The following DMD variants were observed in gnomAD, a reference collection of about 807,000 sequenced individuals.
DMD encodes the protein mutant dystrophin.
In DMD, 63 loss-of-function variants were observed where a neutral mutation model predicts 330.1. The ratio of observed to expected loss-of-function variants is 0.19; its 90% CI spans 0.16 to 0.24. The LOEUF is 0.24. Ranked by LOEUF, DMD falls within the 10% of genes least tolerant of loss-of-function variation. The pLI is 1.00. For synonymous variants in DMD, 1,223 were observed against 959.8 expected (o/e 1.27, Z -5.07); for missense variants, 3,344 against 2,684.1 (o/e 1.25, Z -5.43).
At chrX:32,882,152 T>C (rs748138679) in intron 2 of DMD, among the ~76,000 whole-genome samples, 6 of 111,886 alleles carry the variant, frequency 5.4e-5, no homozygotes, top group African/African-American at 9.7e-5. Flanking sequence ...CTCAGTCCCA[T>C]TGGGCCCTTC....
At chrX:31,141,360 G>T (rs1445035875) in intron 76 of DMD, among the ~76,000 whole-genome samples, 1 of 112,485 alleles carries the variant, frequency 8.9e-6, no homozygotes, top group Non-Finnish European at 1.9e-5. Context: ...TTATTCTGTT[G>T]TCAAACAGAA....
At position 32,676,523 on chromosome X, in the gene DMD, T is replaced by C. The variant is rs148927410; in HGVS notation, c.960+21347A>G. On this transcript the variant is annotated intron_variant, in intron 9 of 78. Coordinates refer to ENST00000357033, the MANE Select transcript of DMD (RefSeq NM_004006.3). ...GGGGCAATGAATTCTTTTGAGAATATGATTGAAATTCTGGATCCTTTACAC... is the reference window on the plus strand; with the variant it reads ...GGGGCAATGAATTCTTTTGAGAATACGATTGAAATTCTGGATCCTTTACAC... 7.9e-3 allele frequency among the ~76,000 whole-genome samples: 879 copies of C among 111,737 alleles called. 8 individuals carry two copies. The highest frequency in any genetic ancestry group is 0.027 in the African/African-American group (831 of 30,855).
chrX:31,157,886 C>T (rs1456846637), intron 74 of DMD, among the ~76,000 whole-genome samples: 1 of 108,103 alleles, frequency 9.3e-6, no homozygotes, highest in Non-Finnish European at 1.9e-5. Flanking sequence ...TCACTGTAAC[C>T]TTGAATTCCT....
chrX:32,293,487 C>T (rs5927955), intron 42 of DMD, among the ~76,000 whole-genome samples: 5,197 of 110,770 alleles, frequency 0.047, 182 homozygotes, highest in East Asian at 0.3. Context: ...AAAGTCAGCT[C>T]GGGCAATTTA....
chrX:31,308,736 T>C lies in DMD; in HGVS notation c.9224+14862A>G, dbSNP rs190367128. 9.6e-3 allele frequency among the ~76,000 whole-genome samples: 1,060 copies of C among 110,552 alleles called. 18 individuals carry two copies. Among genetic ancestry groups the C allele is most frequent in the African/African-American group, 0.033 (1,015 of 30,380 alleles). ...CATCTATTTTTTTGTGTGTGATTTT[T>C]TTTTTCTTTGGAGATGGAGTCTCAA... is the stretch of plus-strand genomic sequence containing the variant. On this transcript the variant is annotated intron_variant, in intron 62 of 78. Coordinates refer to ENST00000357033, the MANE Select transcript of DMD (RefSeq NM_004006.3).
chrX:31,198,023 T>TA lies in DMD; in HGVS notation c.9807+5937dup, dbSNP rs61065027. Among the ~76,000 whole-genome samples, 219 of 64,866 alleles carry TA rather than the reference T, an allele frequency of 3.4e-3. 6 individuals are homozygous for TA. The highest frequency in any genetic ancestry group is 0.01 in the Middle Eastern group (1 of 100). 56.3% of individuals were successfully genotyped at this position (64,866 alleles called of 115,157 possible). On this transcript the variant is annotated intron_variant, in intron 67 of 78. Coordinates refer to ENST00000357033, the MANE Select transcript of DMD (RefSeq NM_004006.3). ...CATGTTCTCACTCATGTGTGGGAGC[T>TA]AAAAAAAAAAAAAAAAAAAAAAATT...
intron 54 of DMD, 21 bp from the exon 55 acceptor site, chrX:31,627,883 A>G: frequency 8.4e-7 from 1 of 1,187,733 alleles, no homozygotes; most frequent in South Asian, 1.8e-5. Flanking sequence ...CCAAATGTTC[A>G]GATGCAATTA....
chrX:32,262,434 T>C, intron 43 of DMD, among the ~76,000 whole-genome samples: 1 of 111,714 alleles, frequency 9.0e-6, no homozygotes. Context: ...GCTAATAGTT[T>C]CACTGGTATT....
intron 61 of DMD, among the ~76,000 whole-genome samples, chrX:31,347,291 C>CATT (rs1318631240): frequency 9.1e-6 from 1 of 110,406 alleles, no homozygotes; most frequent in African/African-American, 3.3e-5. Context: ...TACAACACAT[C>CATT]GTTGTTAACT....
intron 55 of DMD, among the ~76,000 whole-genome samples, chrX:31,541,986 T>C (rs1431169925): frequency 9.0e-6 from 1 of 111,655 alleles, no homozygotes; most frequent in Non-Finnish European, 1.9e-5. Flanking sequence ...AAAATATTAG[T>C]TTCACTTCTA....
At chrX:31,662,312 CATT>C (rs1383336389) in intron 53 of DMD, among the ~76,000 whole-genome samples, 4 of 111,580 alleles carry the variant, frequency 3.6e-5, no homozygotes, top group Non-Finnish European at 7.5e-5. Context: ...TCATCATCAT[CATT>C]ACTACTGCTA....
At chrX:32,986,868 G>C (rs1198901314) in intron 2 of DMD, among the ~76,000 whole-genome samples, 1 of 112,423 alleles carries the variant, frequency 8.9e-6, no homozygotes, top group Non-Finnish European at 1.9e-5. Context: ...TTAAGTTTCA[G>C]TGAACTGTTT....
chrX:32,642,784 A>G (rs778684293), intron 11 of DMD, among the ~76,000 whole-genome samples: 1 of 111,582 alleles, frequency 9.0e-6, no homozygotes, highest in African/African-American at 3.3e-5. Flanking sequence ...GAGTGTAAGA[A>G]AAATGAGAGC....
At chrX:31,273,579 CCAGT>C (rs931729430) in intron 62 of DMD, among the ~76,000 whole-genome samples, 4 of 111,963 alleles carry the variant, frequency 3.6e-5, no homozygotes, top group African/African-American at 1.3e-4. Flanking sequence ...AAAGGAATTA[CCAGT>C]CAATTAAGCG....
At position 33,313,413 on chromosome X, in the gene DMD, T is replaced by G. The variant is rs142950266; in HGVS notation, c.7+25846A>C. Among the ~76,000 whole-genome samples the G allele has an allele frequency of 2.9e-3, 329 of 112,138 alleles. 1 individual carries two copies. The highest frequency in any genetic ancestry group is 0.01 in the African/African-American group (321 of 30,904). On this transcript the variant is annotated intron_variant, in intron 1 of 17. Transcript: ENST00000288447. The stretch of plus-strand genomic sequence containing the variant: ...TTGAATGATCTGAGCAGAGATCAAC[T>G]GCTGGACCAAATTGTACGTCGAGAT...
chrX:32,217,136 A>AT, intron 43 of DMD, 73 bp from the exon 44 acceptor site: 1 of 1,063,866 alleles, frequency 9.4e-7, no homozygotes, highest in Middle Eastern at 3.0e-4. Context: ...TATAGCGTAT[A>AT]TTTTTTGGTT....
intron 15 of DMD, among the ~76,000 whole-genome samples, chrX:32,568,650 G>A (rs2052041721): frequency 9.0e-6 from 1 of 111,612 alleles, no homozygotes. Flanking sequence ...CTTATACCTA[G>A]TAAATTTTAG....
chrX:33,099,836 T>G (rs2095219209), intron 1 of DMD, among the ~76,000 whole-genome samples: 1 of 111,660 alleles, frequency 9.0e-6, no homozygotes, highest in Admixed American at 9.6e-5. Flanking sequence ...TTCTTTACTG[T>G]TTTTTACAGC....
At chrX:33,021,031 C>T (rs1464624372) in intron 1 of DMD, among the ~76,000 whole-genome samples, 1 of 111,171 alleles carries the variant, frequency 9.0e-6, no homozygotes, top group Admixed American at 9.6e-5. Flanking sequence ...AAATTAAGAG[C>T]TCAGAAAATA....
Sources: gnomAD v4.1 joint callset for allele counts (sites outside exome capture counted in the v4.1 genomes callset) on GRCh38, gnomAD v4.1.1 for gene constraint, MANE v1.5 for transcripts, NCBI Gene and HGNC (gene_info 2026-07-23, HGNC 2026-07-21) for gene names.